Variants in SORCS2 observed in about 807,000 individuals in gnomAD.
The protein encoded by SORCS2 is sortilin related VPS10 domain containing receptor 2.
In SORCS2, 100 loss-of-function variants were observed where a neutral mutation model predicts 141.6. That is an observed-to-expected ratio of 0.71 (90% CI 0.60 to 0.83). The LOEUF is 0.83. Among genes scored for constraint, SORCS2 ranks in the 40% least tolerant of loss-of-function variants. The pLI, the probability that SORCS2 is intolerant of heterozygous loss-of-function variation, is 0.00. For missense variants in SORCS2, 1,646 were observed against 1,560.2 expected, an observed-to-expected ratio of 1.05 and a Z score of -0.93; for synonymous variants, 789 against 676.9, an observed-to-expected ratio of 1.17 and a Z score of -2.57.
intron 2 of SORCS2, among the ~76,000 whole-genome samples, chr4:7,482,404 T>C (rs1577637704): frequency 1.9e-5 from 1 of 53,118 alleles, no homozygotes; most frequent in East Asian, 7.2e-4. Flanking sequence ...CTGGCTACTG[T>C]TCAGACCTGT....
At chr4:7,223,525 C>A (rs551355224) in intron 1 of SORCS2, among the ~76,000 whole-genome samples, 53 of 152,246 alleles carry the variant, frequency 3.5e-4, no homozygotes, top group African/African-American at 1.1e-3. Context: ...CCCTTGGATA[C>A]AACTCTTTAT....
intron 4 of SORCS2, among the ~76,000 whole-genome samples, chr4:7,649,154 G>A (rs1443212297): frequency 1.3e-5 from 2 of 152,162 alleles, no homozygotes; most frequent in East Asian, 1.9e-4. Flanking sequence ...TGACCCGGGG[G>A]AGACTTTAAA....
intron 2 of SORCS2, among the ~76,000 whole-genome samples, chr4:7,526,073 A>AGCTGC (rs1479951914): frequency 9.9e-5 from 15 of 152,080 alleles, no homozygotes; most frequent in African/African-American, 3.6e-4. Context: ...CCCCACCTGC[A>AGCTGC]ACTGCAGCAC....
At chr4:7,257,828 T>C (rs527316398) in intron 1 of SORCS2, among the ~76,000 whole-genome samples, 14 of 152,298 alleles carry the variant, frequency 9.2e-5, no homozygotes, top group African/African-American at 3.1e-4. Context: ...TCCCTGGCCC[T>C]GGCCTCCCAT....
At chr4:7,660,114 G>C (rs116794593) in intron 5 of SORCS2, among the ~76,000 whole-genome samples, 1 of 152,228 alleles carries the variant, frequency 6.6e-6, no homozygotes, top group Admixed American at 6.5e-5. Context: ...ACCAAATGGA[G>C]GTATTAAATG....
At position 7,703,150 on chromosome 4, in the gene SORCS2, A is replaced by C. The variant is rs536385062; in HGVS notation, c.1669-130A>C. Reference sequence around the variant, plus strand: ...GGCCCGGGACATGCAGGGAACCCTCAGACCGGCCTTGGCCTCTGCCAACAA... The same window carrying C: ...GGCCCGGGACATGCAGGGAACCCTCCGACCGGCCTTGGCCTCTGCCAACAA... On this transcript the variant is annotated intron_variant, in intron 12 of 26. Coordinates refer to ENST00000507866, the MANE Select transcript of SORCS2 (RefSeq NM_020777.3). 131 of 671,684 alleles carry C rather than the reference A, an allele frequency of 2.0e-4. 3 individuals carry two copies. The South Asian group carries it at 2.6e-3, about 13-fold the overall frequency. The allele number at this position is 671,684 out of a possible 1,614,324, so 41.6% of individuals were successfully genotyped here.
chr4:7,739,191 T>C (rs1314762603), intron 26 of SORCS2, among the ~76,000 whole-genome samples: 1 of 152,158 alleles, frequency 6.6e-6, no homozygotes, highest in African/African-American at 2.4e-5. Context: ...CAAGCCTGAC[T>C]CAGTGGCTAT....
At chr4:7,552,341 G>C (rs6815897) in intron 3 of SORCS2, among the ~76,000 whole-genome samples, 1 of 151,884 alleles carries the variant, frequency 6.6e-6, no homozygotes, top group Admixed American at 6.5e-5. Context: ...TCTGTCCCCT[G>C]GGGCACCAGC....
At chr4:7,452,204 G>C (rs1183077764) in intron 2 of SORCS2, among the ~76,000 whole-genome samples, 1 of 151,734 alleles carries the variant, frequency 6.6e-6, no homozygotes, top group African/African-American at 2.4e-5. Flanking sequence ...GCAGTGGCAC[G>C]ATCTTGGCTC....
At position 7,729,670 on chromosome 4, in the gene SORCS2, C is replaced by A. The variant is rs756401572; in HGVS notation, c.3066C>A (p.Pro1022=). ...PTLADLYVLL[P]PPRPTRKRSL... is the part of the protein sequence containing the mutation. ...TGGCCGATCTGTACGTGCTCCTGCC[C>A]CCTCCCAGGCCCACAAGGAAGAGGA... Residue 1022 remains proline, a synonymous_variant, in exon 23 of 27, where the codon CCC becomes CCA. Coordinates refer to ENST00000507866, the MANE Select transcript of SORCS2 (RefSeq NM_020777.3). 1 of 1,608,872 alleles carries A rather than the reference C, an allele frequency of 6.2e-7. No individual in the cohort carries two copies. Among genetic ancestry groups the A allele is most frequent in the Admixed American group, 1.7e-5 (1 of 59,438 alleles).
At chr4:7,265,832 G>A (rs58168135) in intron 1 of SORCS2, among the ~76,000 whole-genome samples, 20,569 of 152,134 alleles carry the variant, frequency 0.14, 1,458 homozygotes, top group South Asian at 0.27. Flanking sequence ...CTGTGGTGCC[G>A]TCCACTGCTG....
At chr4:7,660,949 C>T (rs1379805729) in intron 5 of SORCS2, among the ~76,000 whole-genome samples, 5 of 152,116 alleles carry the variant, frequency 3.3e-5, no homozygotes, top group Admixed American at 6.6e-5. Flanking sequence ...GAGCAGGAGA[C>T]GGAGCAACAG....
At chr4:7,555,087 C>A in intron 3 of SORCS2, among the ~76,000 whole-genome samples, 1 of 152,206 alleles carries the variant, frequency 6.6e-6, no homozygotes, top group African/African-American at 2.4e-5. Context: ...TCAGGTTTCT[C>A]TCTGGATACT....
chr4:7,237,228 A>G (rs990452926), intron 1 of SORCS2, among the ~76,000 whole-genome samples: 1 of 152,226 alleles, frequency 6.6e-6, no homozygotes, highest in Non-Finnish European at 1.5e-5. Flanking sequence ...GATTGCAATA[A>G]AAATAGACAG....
intron 3 of SORCS2, among the ~76,000 whole-genome samples, chr4:7,601,319 T>A (rs183680057): frequency 1.2e-3 from 182 of 152,230 alleles, no homozygotes; most frequent in Middle Eastern, 0.01. Flanking sequence ...CTCATTTTTT[T>A]TTTTAAGTTA....
chr4:7,688,670 G>A (rs1185357203), intron 10 of SORCS2, among the ~76,000 whole-genome samples: 1 of 152,110 alleles, frequency 6.6e-6, no homozygotes, highest in Non-Finnish European at 1.5e-5. Flanking sequence ...CCAGCCTGAG[G>A]ATTGCGCTGC....
At chr4:7,370,271 A>G (rs1477329538) in intron 1 of SORCS2, among the ~76,000 whole-genome samples, 1 of 152,202 alleles carries the variant, frequency 6.6e-6, no homozygotes, top group Non-Finnish European at 1.5e-5. Context: ...AAAAGGGCTG[A>G]GAGCTGCTCA....
chr4:7,691,173 G>A (rs1412384413), intron 11 of SORCS2, among the ~76,000 whole-genome samples: 2 of 152,216 alleles, frequency 1.3e-5, no homozygotes, highest in African/African-American at 4.8e-5. Flanking sequence ...GTGGCTGTGT[G>A]GCCAGTGGCC....
At chr4:7,737,232 C>CCCACCCCGCCCTCCCACAGG in intron 26 of SORCS2, 60 bp downstream of exon 26, 3 of 1,539,794 alleles carry the variant, frequency 1.9e-6, no homozygotes, top group Non-Finnish European at 2.6e-6. Flanking sequence ...CCGCCCCAAA[C>CCCACCCCGCCCTCCCACAGG]CCACCCCGCC....
Sources: allele counts gnomAD v4.1 joint callset (sites outside exome capture counted in the v4.1 genomes callset), GRCh38; gene constraint gnomAD v4.1.1; transcripts MANE v1.5; gene names NCBI Gene and HGNC (gene_info 2026-07-23, HGNC 2026-07-21).